Variants in CSMD3 observed in about 807,000 individuals in gnomAD.
CSMD3 encodes the protein CUB and sushi domain-containing protein 3.
CSMD3 carries 177 observed loss-of-function variants against 435.2 expected under a neutral mutation model. The ratio of observed to expected loss-of-function variants is 0.41; its 90% CI spans 0.36 to 0.46. The LOEUF is 0.46. Among genes scored for constraint, CSMD3 ranks in the 20% least tolerant of loss-of-function variants. CSMD3 has a pLI of 0.34. For synonymous variants in CSMD3, 1,656 were observed against 1,520.5 expected (o/e 1.09, Z -2.07); for missense variants, 4,265 against 4,504.6 (o/e 0.95, Z 1.52).
intron 31 of CSMD3, among the ~76,000 whole-genome samples, chr8:112,482,376 T>C (rs1329533972): frequency 4.6e-5 from 7 of 152,226 alleles, no homozygotes; most frequent in Non-Finnish European, 7.3e-5. Context: ...AATTAAAAAA[T>C]TGGGATATAA....
intron 70 of CSMD3, among the ~76,000 whole-genome samples, chr8:112,226,466 C>G (rs909740958): frequency 6.6e-6 from 1 of 152,024 alleles, no homozygotes; most frequent in Non-Finnish European, 1.5e-5. Context: ...GAGCCAAATT[C>G]ATAAAACTCT....
intron 56 of CSMD3, 24 bp downstream of exon 56, chr8:112,291,486 A>G: frequency 6.6e-7 from 1 of 1,521,124 alleles, no homozygotes. Context: ...TGTTCTCAAG[A>G]AACAATTCAC....
chr8:112,656,463 T>C, intron 17 of CSMD3, 122 bp from the exon 18 acceptor site: 1 of 645,038 alleles, frequency 1.6e-6, no homozygotes, highest in East Asian at 3.0e-5. Flanking sequence ...TAATTTTCTT[T>C]AGCTTATCTA....
At chr8:113,276,065 G>T (rs1310322702) in intron 3 of CSMD3, among the ~76,000 whole-genome samples, 1 of 151,960 alleles carries the variant, frequency 6.6e-6, no homozygotes, top group Non-Finnish European at 1.5e-5. Context: ...AGTATCACTG[G>T]CTACAGTTAA....
chr8:112,418,423 A>G (rs913948852), intron 32 of CSMD3, among the ~76,000 whole-genome samples: 2 of 152,122 alleles, frequency 1.3e-5, no homozygotes, highest in Non-Finnish European at 2.9e-5. Flanking sequence ...AGTAACATAC[A>G]CTGTGCAGAA....
At chr8:112,324,880 T>A (rs766018673) in intron 45 of CSMD3, among the ~76,000 whole-genome samples, 3 of 152,062 alleles carry the variant, frequency 2.0e-5, no homozygotes, top group Non-Finnish European at 4.4e-5. Flanking sequence ...CTAGAGTCTA[T>A]ATTGCAGTGG....
At chr8:113,285,126 T>C (rs1025639846) in intron 2 of CSMD3, among the ~76,000 whole-genome samples, 1 of 152,210 alleles carries the variant, frequency 6.6e-6, no homozygotes, top group Non-Finnish European at 1.5e-5. Flanking sequence ...TCTTAACAAG[T>C]ATTTTGAATG....
At chr8:113,254,852 C>A (rs574233805) in intron 3 of CSMD3, among the ~76,000 whole-genome samples, 1 of 152,108 alleles carries the variant, frequency 6.6e-6, no homozygotes, top group South Asian at 2.1e-4. Flanking sequence ...TCCAGAAACA[C>A]ACTATATTAA....
intron 4 of CSMD3, among the ~76,000 whole-genome samples, chr8:113,142,402 G>A (rs541511458): frequency 6.6e-6 from 1 of 151,162 alleles, no homozygotes; most frequent in African/African-American, 2.4e-5. Context: ...CAATTGTGTG[G>A]TATTGTCAGA....
intron 9 of CSMD3, among the ~76,000 whole-genome samples, chr8:112,934,200 G>A (rs1420695421): frequency 6.6e-6 from 1 of 152,068 alleles, no homozygotes. Flanking sequence ...CAAATATCAT[G>A]TTGTTTTCCT....
At position 112,656,244 on chromosome 8, in the gene CSMD3, G is replaced by A. The variant is rs1266181758; in HGVS notation, c.2914C>T (p.Gln972Ter). 6.2e-7 allele frequency: 1 copy of A among 1,604,982 alleles called. No individual in the cohort carries two copies. Among genetic ancestry groups the A allele is most frequent in the African/African-American group, 1.3e-5 (1 of 74,716 alleles). ...AAATTACTGCTACTAAATAGAAACT[G>A]GGGCACTTGGGTGCCATTGTAAGAT... ...LGSYNGTQVP[Q>*]FLFSSSNFIY... is the part of the protein sequence containing the mutation. The change falls in exon 18 of 71, where the codon CAG becomes TAG. Residue 972 changes from glutamine to a stop codon, truncating the protein, a stop_gained. Coordinates refer to ENST00000297405, the MANE Select transcript of CSMD3 (RefSeq NM_198123.2). LOFTEE classifies it high-confidence loss of function.
intron 4 of CSMD3, among the ~76,000 whole-genome samples, chr8:113,103,216 C>G (rs2090379090): frequency 6.6e-6 from 1 of 152,134 alleles, no homozygotes; most frequent in Non-Finnish European, 1.5e-5. Flanking sequence ...ATACCTTAGA[C>G]TTCCCTTGAG....
At position 112,600,361 on chromosome 8, in the gene CSMD3, A is replaced by AT. The variant is rs540060539; in HGVS notation, c.3716-13127dup. The stretch of plus-strand genomic sequence containing the variant: ...TTGCTTTGTTTTCATTATTTTTTGA[A>AT]TACTGCATATTGGGCCAAGAGTATT... On this transcript the variant is annotated intron_variant, in intron 22 of 70. Coordinates refer to ENST00000297405, the MANE Select transcript of CSMD3 (RefSeq NM_198123.2). 1.9e-3 allele frequency among the ~76,000 whole-genome samples: 285 copies of AT among 152,270 alleles called. 2 individuals carry two copies. Among genetic ancestry groups the AT allele is most frequent in the African/African-American group, 6.4e-3 (267 of 41,574 alleles).
At chr8:112,584,113 T>G (rs757098596) in intron 23 of CSMD3, among the ~76,000 whole-genome samples, 3 of 151,842 alleles carry the variant, frequency 2.0e-5, no homozygotes, top group Non-Finnish European at 4.4e-5. Flanking sequence ...AGATCAATTT[T>G]TATTATTTAG....
chr8:113,360,511 A>G (rs757542720), intron 1 of CSMD3, among the ~76,000 whole-genome samples: 1 of 151,712 alleles, frequency 6.6e-6, no homozygotes, highest in Non-Finnish European at 1.5e-5. Context: ...AAAAGTGATG[A>G]CACTATAAAC....
rs1005256502 is a variant in CSMD3 at position 112,909,370 on chromosome 8, C to A, written c.1633+12257G>T. ...CTTAAAAATCTGTCATAAATATTGG[C>A]CTTAACAATGTAACAGAAGTGTAAA... On this transcript the variant is annotated intron_variant, in intron 10 of 70. Coordinates refer to ENST00000297405, the MANE Select transcript of CSMD3 (RefSeq NM_198123.2). Among the ~76,000 whole-genome samples the A allele has an allele frequency of 5.9e-5, 9 of 151,304 alleles. No homozygotes were observed. The Admixed American group carries it at 6.0e-4, about 10-fold the overall frequency.
At chr8:112,462,070 A>G (rs1204638636) in intron 32 of CSMD3, among the ~76,000 whole-genome samples, 1 of 152,110 alleles carries the variant, frequency 6.6e-6, no homozygotes, top group Non-Finnish European at 1.5e-5. Flanking sequence ...CACATGGCCA[A>G]TTAGAGGCAA....
At chr8:113,000,598 G>A (rs2085826450) in intron 6 of CSMD3, among the ~76,000 whole-genome samples, 1 of 151,996 alleles carries the variant, frequency 6.6e-6, no homozygotes, top group South Asian at 2.1e-4. Flanking sequence ...AATTGTATCT[G>A]TCAATGAAGA....
chr8:112,557,166 AATGATACCCC>A (rs1416109749), intron 24 of CSMD3, among the ~76,000 whole-genome samples: 2 of 151,796 alleles, frequency 1.3e-5, no homozygotes, highest in Non-Finnish European at 2.9e-5. Context: ...GAAGTTTATC[AATGATACCCC>A]ATGGTCTATA....
Sources: gnomAD v4.1 joint callset for allele counts (sites outside exome capture counted in the v4.1 genomes callset) on GRCh38, gnomAD v4.1.1 for gene constraint, MANE v1.5 for transcripts, NCBI Gene and HGNC (gene_info 2026-07-23, HGNC 2026-07-21) for gene names.